MPC1: variants seen among roughly 807,000 people sequenced by gnomAD.
MPC1 encodes the protein mitochondrial pyruvate carrier 1.
In MPC1, 6 loss-of-function variants were observed where a neutral mutation model predicts 13.9. That is an observed-to-expected ratio of 0.43 (90% confidence interval 0.24 to 0.85). The LOEUF (loss-of-function observed/expected upper bound fraction) is 0.85. Ranked by LOEUF, MPC1 falls within the 40% of genes least tolerant of loss-of-function variation. The pLI, the probability that MPC1 is intolerant of heterozygous loss-of-function variation, is 0.24. For missense variants in MPC1, 115 were observed against 143.3 expected (o/e 0.80, Z 1.01); for synonymous variants, 47 against 50.5 (o/e 0.93, Z 0.29).
chr6:166,377,747 C>T (rs3734605), intron 1 of MPC1, among the ~76,000 whole-genome samples: 116,270 of 152,090 alleles, frequency 0.76, 44,784 homozygotes, highest in East Asian at 0.96. Flanking sequence ...CTATATTTAG[C>T]GAGCCAAAAG....
intron 1 of MPC1, among the ~76,000 whole-genome samples, chr6:166,376,789 TTAA>T (rs1315250657): frequency 2.6e-5 from 4 of 152,230 alleles, no homozygotes; most frequent in Non-Finnish European, 4.4e-5. Context: ...CTTTTCTTGA[TTAA>T]TGTTAACATG....
intron 3 of MPC1, 112 bp from the exon 4 acceptor site, chr6:166,366,218 C>G (rs898398676): frequency 5.6e-6 from 7 of 1,241,620 alleles, no homozygotes; most frequent in Non-Finnish European, 7.5e-6. Flanking sequence ...ACCTCTTCTG[C>G]GAAAGCCTTT....
At position 166,366,190 on chromosome 6, in the gene MPC1, T is replaced by C. The variant is rs116140938; in HGVS notation, c.173-84A>G. On this transcript the variant is annotated intron_variant, in intron 3 of 4. Transcript: ENST00000360961. ...GGACCACAGAGATGAACAGTTCCAT[T>C]GCCCTGATCAAAAAAGAACCTCTTC... The C allele has an allele frequency of 4.3e-3, 6,203 of 1,429,934 alleles. 200 individuals are homozygous for C. The African/African-American group carries it at 0.071, about 16-fold the overall frequency. The allele number at this position is 1,429,934 out of a possible 1,614,324, so 88.6% of individuals were successfully genotyped here. A position where few individuals can be genotyped will look rare whatever the true frequency, so the allele number is the denominator to read the frequency against.
chr6:166,373,035 C>G (rs552253544), intron 1 of MPC1, among the ~76,000 whole-genome samples: 1 of 152,006 alleles, frequency 6.6e-6, no homozygotes, highest in African/African-American at 2.4e-5. Context: ...TAAAATTGAA[C>G]CAAAGTACAG....
chr6:166,376,155 C>CGTGT lies in MPC1; in HGVS notation c.72-5938_72-5935dup, dbSNP rs74273802. ...ATAGCTATAGATACATATACACATA[C>CGTGT]GTGTGTGTGTGTGTGTGTGTGTGTA... On this transcript the variant is annotated intron_variant, in intron 1 of 4. Transcript: ENST00000360961. Among the ~76,000 whole-genome samples the CGTGT allele has an allele frequency of 7.3e-3, 1,104 of 151,060 alleles. 13 individuals carry two copies. The highest frequency in any genetic ancestry group is 0.025 in the African/African-American group (1,024 of 41,040).
intron 1 of MPC1, among the ~76,000 whole-genome samples, chr6:166,382,198 G>A (rs1367007086): frequency 6.6e-6 from 1 of 152,068 alleles, no homozygotes; most frequent in African/African-American, 2.4e-5. Context: ...CACCCCTGCC[G>A]GGTCACCCTG....
At chr6:166,380,871 G>A (rs1275704831) in intron 1 of MPC1, among the ~76,000 whole-genome samples, 1 of 150,324 alleles carries the variant, frequency 6.7e-6, no homozygotes, top group African/African-American at 2.5e-5. Flanking sequence ...CCCAGGAGGC[G>A]GAGGTTTGGA....
At chr6:166,381,530 A>C (rs557653861) in intron 1 of MPC1, among the ~76,000 whole-genome samples, 58 of 152,324 alleles carry the variant, frequency 3.8e-4, no homozygotes, top group Middle Eastern at 6.8e-3. Flanking sequence ...CCGAAAAAAA[A>C]CCGCAGCTGT....
chr6:166,372,264 G>A (rs867995617), intron 1 of MPC1, among the ~76,000 whole-genome samples: 1 of 152,022 alleles, frequency 6.6e-6, no homozygotes. Context: ...AAAGGATGTC[G>A]TACTTACAAT....
rs562227160 is a variant in MPC1, at chr6:166,374,760, C to T, written c.72-4539G>A. Among the ~76,000 whole-genome samples, 4 of 152,288 alleles carry T rather than the reference C, an allele frequency of 2.6e-5. No homozygotes were observed. In the South Asian group the frequency reaches 6.2e-4, roughly 24 times the overall value. ...TGGTTTATGTAGGTCTACTTCTGGG[C>T]GTCTACTTCCGGGCACTTTATTCTG... On this transcript the variant is annotated intron_variant, in intron 1 of 4. Coordinates refer to ENST00000360961, the MANE Select transcript of MPC1 (RefSeq NM_016098.4).
intron 1 of MPC1, among the ~76,000 whole-genome samples, chr6:166,377,532 C>T (rs760325463): frequency 6.6e-6 from 1 of 152,148 alleles, no homozygotes; most frequent in Non-Finnish European, 1.5e-5. Flanking sequence ...TTATAACTTA[C>T]TTATGTAGTA....
chr6:166,374,635 T>A (rs906434266), intron 1 of MPC1, among the ~76,000 whole-genome samples: 3 of 152,230 alleles, frequency 2.0e-5, no homozygotes, highest in Non-Finnish European at 4.4e-5. Context: ...TTCGTTTCTG[T>A]TTTGCAATTG....
At chr6:166,367,772 T>C (rs540607906) in intron 2 of MPC1, among the ~76,000 whole-genome samples, 12 of 152,338 alleles carry the variant, frequency 7.9e-5, no homozygotes, top group African/African-American at 2.9e-4. Flanking sequence ...CTTTTAGTTA[T>C]CCTAACACTA....
chr6:166,370,120 A>G (rs1221672764), intron 2 of MPC1, 98 bp downstream of exon 2: 2 of 776,978 alleles, frequency 2.6e-6, no homozygotes, highest in South Asian at 2.7e-5. Context: ...GCGGCTAGAA[A>G]GGCTCTCATA....
chr6:166,380,390 G>GC (rs1481258659), intron 1 of MPC1, among the ~76,000 whole-genome samples: 9 of 152,132 alleles, frequency 5.9e-5, no homozygotes, highest in Non-Finnish European at 7.4e-5. Context: ...GCTCTACCAG[G>GC]CAACACTGTT....
chr6:166,382,467 G>T (rs1433514587), intron 1 of MPC1, among the ~76,000 whole-genome samples: 1 of 147,754 alleles, frequency 6.8e-6, no homozygotes, highest in Non-Finnish European at 1.5e-5. Context: ...TGCCGGGAGA[G>T]GACACCCACT....
Position 166,366,902 on chromosome 6 carries a change from TGA to T in MPC1, c.76-13_76-12del, listed in dbSNP as rs1230474395. 3 of 1,613,866 alleles carry T rather than the reference TGA, an allele frequency of 1.9e-6. No homozygotes were observed. The highest frequency in any genetic ancestry group is 2.5e-6 in the Non-Finnish European group (3 of 1,179,792). On this transcript the variant is annotated splice_polypyrimidine_tract_variant and intron_variant, in intron 2 of 4. Transcript: ENST00000360961. ...TGGGCCCCAGAAGTGCTACAAAAAA[TGA>T]GAGGAAAAGAATGAAGAGAGGAAAA...
chr6:166,374,536 G>A (rs575189026), intron 1 of MPC1, among the ~76,000 whole-genome samples: 47 of 152,238 alleles, frequency 3.1e-4, no homozygotes, highest in African/African-American at 1.1e-3. Flanking sequence ...TAAATTATCT[G>A]CTAGGAGTTT....
Position 166,366,027 on chromosome 6 carries a change from G to T in MPC1, c.252C>A (p.His84Gln). Reference protein sequence around the residue: ...QPRNWLLFACHATNEVAQLIQ... With the variant: ...QPRNWLLFACQATNEVAQLIQ... ...TGAGCTGGGCTACTTCATTTGTTGC[G>T]TGGCATGCAAACAGAAGCCAGTTCC... The change falls in exon 4 of 5, where the codon CAC becomes CAA. Residue 84 changes from histidine (H) to glutamine (Q), a missense_variant. His to Gln is a conservative substitution (Grantham distance 24). Coordinates refer to ENST00000360961, the MANE Select transcript of MPC1 (RefSeq NM_016098.4). 6.2e-7 allele frequency: 1 copy of T among 1,613,714 alleles called. No homozygotes were observed. Among genetic ancestry groups the T allele is most frequent in the Non-Finnish European group, 8.5e-7 (1 of 1,179,738 alleles).
Sources: allele counts gnomAD v4.1 joint callset (sites outside exome capture counted in the v4.1 genomes callset), GRCh38; gene constraint gnomAD v4.1.1; transcripts MANE v1.5; gene names NCBI Gene and HGNC (gene_info 2026-07-23, HGNC 2026-07-21).